ZBTB20: variants seen among roughly 807,000 people sequenced by gnomAD.
ZBTB20 encodes the protein zinc finger and BTB domain-containing protein 20.
In ZBTB20, 9 loss-of-function variants were observed where a neutral mutation model predicts 56.9. The ratio of observed to expected loss-of-function variants is 0.16; its 90% CI spans 0.10 to 0.28. The LOEUF is 0.28. ZBTB20 is among the 10% of genes least tolerant of loss of function. The pLI is 1.00. For missense variants in ZBTB20, 655 were observed against 1,003.0 expected (o/e 0.65, Z 4.69); for synonymous variants, 417 against 420.7 (o/e 0.99, Z 0.11).
intron 5 of ZBTB20, among the ~76,000 whole-genome samples, chr3:114,705,828 T>G (rs2063688170): frequency 6.6e-6 from 1 of 152,190 alleles, no homozygotes; most frequent in African/African-American, 2.4e-5. Context: ...TGAAACTCCC[T>G]GGGGCATACT....
chr3:114,913,231 C>T (rs1485738390), intron 3 of ZBTB20, among the ~76,000 whole-genome samples: 1 of 151,948 alleles, frequency 6.6e-6, no homozygotes, highest in African/African-American at 2.4e-5. Flanking sequence ...TTCTCCATAT[C>T]CTCACCACCA....
chr3:114,510,269 T>G (rs571659021), intron 6 of ZBTB20, among the ~76,000 whole-genome samples: 1 of 152,304 alleles, frequency 6.6e-6, no homozygotes, highest in South Asian at 2.1e-4. Context: ...GAGCCGACAC[T>G]TCAAGGGAAG....
chr3:114,817,043 A>G (rs1249366159), intron 4 of ZBTB20, among the ~76,000 whole-genome samples: 1 of 152,222 alleles, frequency 6.6e-6, no homozygotes, highest in Admixed American at 6.5e-5. Context: ...TGATAGGAAA[A>G]GCATGAAGAG....
chr3:114,446,475 T>C (rs1279676567), intron 7 of ZBTB20, among the ~76,000 whole-genome samples: 2 of 152,200 alleles, frequency 1.3e-5, no homozygotes, highest in Non-Finnish European at 1.5e-5. Context: ...AGGATAGTTT[T>C]GTTTAAAAGA....
At chr3:114,635,836 T>C (rs2059236226) in intron 6 of ZBTB20, among the ~76,000 whole-genome samples, 1 of 151,832 alleles carries the variant, frequency 6.6e-6, no homozygotes, top group Non-Finnish European at 1.5e-5. Context: ...ATAAACACAT[T>C]AGGGAATTCT....
At chr3:115,047,380 T>C (rs2108419808) in intron 2 of ZBTB20, among the ~76,000 whole-genome samples, 1 of 152,344 alleles carries the variant, frequency 6.6e-6, no homozygotes, top group South Asian at 2.1e-4. Flanking sequence ...TGCTGGTATT[T>C]GTCAGTGGGC....
rs187804874 is a variant in ZBTB20 at position 114,454,340 on chromosome 3, C to T, written c.-255+46012G>A. Among the ~76,000 whole-genome samples the T allele has an allele frequency of 2.3e-3, 344 of 151,874 alleles. 1 individual carries two copies. Among genetic ancestry groups the T allele is most frequent in the African/African-American group, 7.9e-3 (328 of 41,370 alleles). On this transcript the variant is annotated intron_variant, in intron 7 of 11. Coordinates refer to ENST00000675478, the MANE Select transcript of ZBTB20 (RefSeq NM_001348800.3). ...CTAGAAATGAACTTGGGTAACCCCC[C>T]AGGGGTGCACAAAGACAGGGAAGAC...
chr3:114,861,298 T>C (rs2075515699), intron 4 of ZBTB20, among the ~76,000 whole-genome samples: 2 of 152,202 alleles, frequency 1.3e-5, no homozygotes, highest in Non-Finnish European at 1.5e-5. Flanking sequence ...TCTCCCCTAA[T>C]AAAATTTAAC....
chr3:114,346,809 C>T (rs1257916583), intron 11 of ZBTB20, among the ~76,000 whole-genome samples: 1 of 151,714 alleles, frequency 6.6e-6, no homozygotes. Flanking sequence ...TTTCAGCGTC[C>T]CAAGTAGCTG....
chr3:114,917,165 C>T (rs2075777297), intron 3 of ZBTB20, among the ~76,000 whole-genome samples: 2 of 152,172 alleles, frequency 1.3e-5, no homozygotes, highest in Admixed American at 1.3e-4. Context: ...GAGGCTGCTG[C>T]ATTCTTCAGG....
In ZBTB20 at chr3:114,443,365, G is replaced by A. The variant is rs140937448; in HGVS notation, c.-254-54260C>T. On this transcript the variant is annotated intron_variant, in intron 7 of 11. Transcript: ENST00000675478. Reference sequence around the variant, plus strand: ...CAGAAATATAAGCTGACACTTCTGGGGATGCTGCAAAGAGCAGTCTTAAGC... The same window carrying A: ...CAGAAATATAAGCTGACACTTCTGGAGATGCTGCAAAGAGCAGTCTTAAGC... Among the ~76,000 whole-genome samples the A allele has an allele frequency of 1.3e-3, 195 of 152,248 alleles. 1 individual carries two copies. Among genetic ancestry groups the A allele is most frequent in the African/African-American group, 4.4e-3 (184 of 41,552 alleles).
chr3:114,882,340 T>G (rs1270056785), intron 4 of ZBTB20, among the ~76,000 whole-genome samples: 1 of 152,070 alleles, frequency 6.6e-6, no homozygotes, highest in Admixed American at 6.5e-5. Context: ...AATTCTCATA[T>G]AATGTTGTTA....
intron 6 of ZBTB20, among the ~76,000 whole-genome samples, chr3:114,503,360 C>T (rs2109704591): frequency 6.6e-6 from 1 of 152,286 alleles, no homozygotes; most frequent in East Asian, 1.9e-4. Context: ...AAAATTTAAT[C>T]TCAGAGTTCT....
In ZBTB20 at chr3:114,350,517, G is replaced by A. The variant is rs1333489573; in HGVS notation, c.1561C>T (p.Pro521Ser). Residue 521 changes from proline (P) to serine (S), a missense_variant, in exon 11 of 12, where the codon CCC (proline) becomes TCC (serine). By Grantham distance (74) the Pro-to-Ser change is moderately conservative (BLOSUM62 -1). Around this residue, in one of 10 missense-constraint regions of ZBTB20, gnomAD observed 71 missense variants for 89.4 expected, o/e 0.79. Coordinates refer to ENST00000675478, the MANE Select transcript of ZBTB20 (RefSeq NM_001348800.3). ...GGCAGGCTGAAGAGGAAAGGCTTGG[G>A]GCCACTGCCCGCGGGCTGGGTAGTG... Reference protein sequence around the residue: ...LFTTQPAGSGPKPFLFSLPQP... With the variant: ...LFTTQPAGSGSKPFLFSLPQP... The A allele has an allele frequency of 1.2e-6, 2 of 1,614,098 alleles. No homozygotes were observed. The highest frequency in any genetic ancestry group is 3.3e-5 in the Admixed American group (2 of 60,022).
chr3:114,682,422 A>C (rs1215495297), intron 6 of ZBTB20, among the ~76,000 whole-genome samples: 5 of 152,118 alleles, frequency 3.3e-5, no homozygotes, highest in Non-Finnish European at 5.9e-5. Flanking sequence ...CTTTTTTGAG[A>C]TCATAATACT....
chr3:114,761,277 C>T (rs1437353320), intron 5 of ZBTB20, among the ~76,000 whole-genome samples: 1 of 152,100 alleles, frequency 6.6e-6, no homozygotes, highest in African/African-American at 2.4e-5. Context: ...TAATAGTTAA[C>T]ATTCATTGAG....
chr3:115,039,471 C>T (rs532304190), intron 2 of ZBTB20, among the ~76,000 whole-genome samples: 3 of 151,980 alleles, frequency 2.0e-5, no homozygotes, highest in Non-Finnish European at 4.4e-5. Flanking sequence ...AACCTCTTAA[C>T]ATCAGAATTG....
intron 3 of ZBTB20, among the ~76,000 whole-genome samples, chr3:114,945,765 A>G (rs2076865052): frequency 6.9e-6 from 1 of 145,476 alleles, no homozygotes; most frequent in Non-Finnish European, 1.5e-5. Flanking sequence ...ATTAAAAATC[A>G]CCATTAATAA....
At chr3:115,038,964 C>T (rs1375981335) in intron 2 of ZBTB20, among the ~76,000 whole-genome samples, 1 of 151,898 alleles carries the variant, frequency 6.6e-6, no homozygotes, top group Non-Finnish European at 1.5e-5. Flanking sequence ...GAGATTATTG[C>T]CTTCTTCTCT....
Sources: gnomAD v4.1 joint callset for allele counts (sites outside exome capture counted in the v4.1 genomes callset) on GRCh38, gnomAD v4.1.1 for gene constraint, gnomAD v4.1.1 regional missense constraint, MANE v1.5 for transcripts, NCBI Gene and HGNC (gene_info 2026-07-23, HGNC 2026-07-21) for gene names.